Variants in HNRNPC observed in about 807,000 individuals in gnomAD.
HNRNPC encodes heterogeneous nuclear ribonucleoproteins C1/C2.
HNRNPC carries 3 observed loss-of-function variants against 33.2 expected under a neutral mutation model. The ratio of observed to expected loss-of-function variants is 0.09; its 90% confidence interval spans 0.04 to 0.23. The LOEUF is 0.23. HNRNPC is among the 10% of genes least tolerant of loss of function. The probability of loss-of-function intolerance (pLI) is 1.00; values close to 1 mark genes in which losing one functional copy is unlikely to be tolerated. For missense variants in HNRNPC, 143 were observed against 366.7 expected (o/e 0.39, Z 4.98); for synonymous variants, 121 against 126.7 (o/e 0.96, Z 0.30).
At chr14:21,232,511 C>G (rs907391954) in intron 3 of HNRNPC, among the ~76,000 whole-genome samples, 4 of 151,866 alleles carry the variant, frequency 2.6e-5, no homozygotes, top group African/African-American at 9.7e-5. Flanking sequence ...CTGGGATTAC[C>G]GGTACCCAGA....
In HNRNPC at chr14:21,252,954, T is replaced by C. The variant is rs1254131274; in HGVS notation, c.-37+10357A>G. 2.0e-5 allele frequency among the ~76,000 whole-genome samples: 3 copies of C among 151,928 alleles called. No individual in the cohort carries two copies. The East Asian group carries it at 5.8e-4, about 29-fold the overall frequency. On this transcript the variant is annotated intron_variant, in intron 2 of 8. Coordinates refer to ENST00000553300, the MANE Select transcript of HNRNPC (RefSeq NM_004500.4). ...ACTTTGGGAGGCCGAGGCCGGCAGA[T>C]CACAAGGTCAAGAGATCAAGACCAT...
At position 21,236,705 on chromosome 14, in the gene HNRNPC, G is replaced by T. The variant is rs540953362; in HGVS notation, c.-36-2476C>A. Reference sequence around the variant, plus strand: ...CTTCATTCTACTTCAAAATTTTAAAGTATCATACAGGTGAAATTTCCATAA... The same window carrying T: ...CTTCATTCTACTTCAAAATTTTAAATTATCATACAGGTGAAATTTCCATAA... On this transcript the variant is annotated intron_variant, in intron 2 of 8. Coordinates refer to ENST00000553300, the MANE Select transcript of HNRNPC (RefSeq NM_004500.4). 1.7e-4 allele frequency among the ~76,000 whole-genome samples: 26 copies of T among 152,236 alleles called. No individual in the cohort carries two copies. In the South Asian group the frequency reaches 5.4e-3, roughly 32 times the overall value.
chr14:21,246,944 T>C (rs942097310), intron 2 of HNRNPC, among the ~76,000 whole-genome samples: 5 of 152,236 alleles, frequency 3.3e-5, no homozygotes, highest in Admixed American at 1.3e-4. Flanking sequence ...CACTTTCTTG[T>C]AAGAATACAG....
chr14:21,214,691 T>C (rs1413229292), intron 5 of HNRNPC, among the ~76,000 whole-genome samples: 1 of 152,260 alleles, frequency 6.6e-6, no homozygotes, highest in East Asian at 1.9e-4. Context: ...AACTTTTTAT[T>C]ATCACTACTT....
At chr14:21,218,129 G>A (rs1384362406) in intron 5 of HNRNPC, among the ~76,000 whole-genome samples, 1 of 152,090 alleles carries the variant, frequency 6.6e-6, no homozygotes, top group Non-Finnish European at 1.5e-5. Flanking sequence ...AGCCAAGCTA[G>A]TTTTTGTAAT....
intron 2 of HNRNPC, among the ~76,000 whole-genome samples, chr14:21,237,294 C>A (rs1894804841): frequency 6.6e-6 from 1 of 152,218 alleles, no homozygotes. Flanking sequence ...TAACTATAGA[C>A]ATTCTAGTCT....
chr14:21,253,783 C>T (rs765476991), intron 2 of HNRNPC, among the ~76,000 whole-genome samples: 7 of 151,112 alleles, frequency 4.6e-5, no homozygotes, highest in Non-Finnish European at 5.9e-5. Flanking sequence ...TTAAAATGTG[C>T]GGCCAGGCGC....
At chr14:21,229,206 C>T (rs1015049952) in intron 5 of HNRNPC, among the ~76,000 whole-genome samples, 3 of 150,814 alleles carry the variant, frequency 2.0e-5, no homozygotes, top group African/African-American at 4.9e-5. Context: ...CTGGCTAACA[C>T]GATGAAGCCC....
At chr14:21,264,303 T>C (rs1021909576) in intron 1 of HNRNPC, 2 of 152,196 alleles carry the variant, frequency 1.3e-5, no homozygotes, top group Non-Finnish European at 2.9e-5. Flanking sequence ...AGATGACTCA[T>C]CTATTCTCAA....
chr14:21,232,400 C>CA (rs1386866874), intron 3 of HNRNPC, among the ~76,000 whole-genome samples: 3 of 152,046 alleles, frequency 2.0e-5, no homozygotes, highest in Admixed American at 1.3e-4. Context: ...TTTTTTTAGA[C>CA]AGAGTCTTGC....
chr14:21,258,670 A>G (rs991690316), intron 2 of HNRNPC, among the ~76,000 whole-genome samples: 6 of 152,224 alleles, frequency 3.9e-5, no homozygotes, highest in Non-Finnish European at 5.9e-5. Context: ...ACTTCCATAA[A>G]TTAATGTCCT....
At position 21,211,888 on chromosome 14, in the gene HNRNPC, G is replaced by T; in HGVS notation, c.559C>A (p.Leu187Met). 1.2e-6 allele frequency: 2 copies of T among 1,613,622 alleles called. No homozygotes were observed. Among genetic ancestry groups the T allele is most frequent in the Non-Finnish European group, 1.7e-6 (2 of 1,179,842 alleles). ...TCCACTTTTTGTTTTATCTGGGTCA[G>T]CTCCTTCTTAATGGCCTGAAGGTCA... ...GDDLQAIKKE[L>M]TQIKQKVDSL... is the part of the protein sequence containing the mutation. The change falls in exon 7 of 9, where the codon CTG becomes ATG. Residue 187 changes from leucine to methionine, a missense_variant. Leu to Met is a conservative substitution (Grantham distance 15, BLOSUM62 2). Transcript: ENST00000553300.
At chr14:21,266,406 C>A (rs1594347821) in intron 1 of HNRNPC, among the ~76,000 whole-genome samples, 1 of 151,946 alleles carries the variant, frequency 6.6e-6, no homozygotes, top group Non-Finnish European at 1.5e-5. Flanking sequence ...GCCTTAGAAT[C>A]AATTCTTTAA....
At chr14:21,257,684 C>T (rs1284830881) in intron 2 of HNRNPC, among the ~76,000 whole-genome samples, 2 of 152,126 alleles carry the variant, frequency 1.3e-5, no homozygotes, top group African/African-American at 4.8e-5. Context: ...CTCCTGAACT[C>T]AATTAATTCT....
chr14:21,220,166 A>G (rs1470758842), intron 5 of HNRNPC, among the ~76,000 whole-genome samples: 4 of 152,158 alleles, frequency 2.6e-5, no homozygotes, highest in Non-Finnish European at 5.9e-5. Flanking sequence ...AGTAAAAGCT[A>G]AAGACATTAT....
In HNRNPC at chr14:21,230,160, T is replaced by C. The variant is rs551298072; in HGVS notation, c.365+159A>G. Reference sequence around the variant, plus strand: ...GCATTAAAATCAGTATCACCCTACCTAATAATCTACTTAATGATTTAGAAA... The same window carrying C: ...GCATTAAAATCAGTATCACCCTACCCAATAATCTACTTAATGATTTAGAAA... On this transcript the variant is annotated intron_variant, in intron 5 of 8. Transcript: ENST00000553300. Among the ~76,000 whole-genome samples the C allele has an allele frequency of 3.3e-5, 5 of 152,328 alleles. No individual in the cohort carries two copies. The South Asian group carries it at 1.0e-3, about 32-fold the overall frequency.
At chr14:21,235,801 A>AT (rs1894635708) in intron 2 of HNRNPC, among the ~76,000 whole-genome samples, 1 of 152,130 alleles carries the variant, frequency 6.6e-6, no homozygotes, top group Admixed American at 6.6e-5. Context: ...TTAAGCAACT[A>AT]TTTTTCACAA....
intron 1 of HNRNPC, chr14:21,264,789 G>A (rs1878707277): frequency 6.6e-6 from 1 of 152,148 alleles, no homozygotes. Flanking sequence ...AACACTTTGG[G>A]AGGCCAGGGT....
At chr14:21,226,269 C>T (rs1893413958) in intron 5 of HNRNPC, among the ~76,000 whole-genome samples, 1 of 150,144 alleles carries the variant, frequency 6.7e-6, no homozygotes, top group Admixed American at 6.7e-5. Flanking sequence ...TTGCAGTGAA[C>T]CGAGATCTGC....
Sources: allele counts gnomAD v4.1 joint callset (sites outside exome capture counted in the v4.1 genomes callset), GRCh38; gene constraint gnomAD v4.1.1; transcripts MANE v1.5; gene names NCBI Gene and HGNC (gene_info 2026-07-23, HGNC 2026-07-21).